The following ZNF184 variants were observed in gnomAD, a reference collection of about 807,000 sequenced individuals.
The protein encoded by ZNF184 is zinc finger protein 184 (Kruppel-like).
ZNF184 carries 16 observed loss-of-function variants against 54.4 expected under a neutral mutation model. That is an observed-to-expected ratio of 0.29 (90% CI 0.20 to 0.45). The LOEUF is 0.45. Among genes scored for constraint, ZNF184 ranks in the 20% least tolerant of loss-of-function variants. The pLI is 1.00. For missense variants in ZNF184, 681 were observed against 888.2 expected, an observed-to-expected ratio of 0.77 and a Z score of 2.97; for synonymous variants, 254 against 295.3, an observed-to-expected ratio of 0.86 and a Z score of 1.43.
At chr6:27,412,350 C>T in the ZNF184 span, among the ~76,000 whole-genome samples, 2 of 152,174 alleles carry the variant, frequency 1.3e-5, no homozygotes, top group Non-Finnish European at 2.9e-5. Context: ...TCCCTACTGT[C>T]AGGAGCAGTG....
chr6:27,459,417 T>C (rs1351232945), intron 3 of ZNF184, among the ~76,000 whole-genome samples: 1 of 150,364 alleles, frequency 6.7e-6, no homozygotes, highest in Non-Finnish European at 1.5e-5. Flanking sequence ...CCCACAACAA[T>C]AGCAACAATA....
At position 27,472,472 on chromosome 6, in the gene ZNF184, C is replaced by A. The variant is rs898253769; in HGVS notation, c.-139-39G>T. ...GATGGCGTCAGCAGCATACGTCACA[C>A]AATCACACATCAGAGTCTTGCAAAG... On this transcript the variant is annotated intron_variant, in intron 1 of 5. Transcript: ENST00000683788. The surrounding 1 kb of genome is among the most constrained non-coding windows in gnomAD (Gnocchi z 4.8). 1.4e-6 allele frequency: 1 copy of A among 698,546 alleles called. No individual in the cohort carries two copies. Among genetic ancestry groups the A allele is most frequent in the Non-Finnish European group, 2.5e-6 (1 of 406,960 alleles). The allele number at this position is 698,546 out of a possible 1,614,324, so 43.3% of individuals were successfully genotyped here.
chr6:27,435,732 T>C, the ZNF184 span, among the ~76,000 whole-genome samples: 4 of 152,250 alleles, frequency 2.6e-5, no homozygotes, highest in South Asian at 8.3e-4. Context: ...CTGCTTGTTT[T>C]AAACCCATCA....
the ZNF184 span, among the ~76,000 whole-genome samples, chr6:27,407,541 A>G: frequency 6.6e-6 from 1 of 152,222 alleles, no homozygotes; most frequent in African/African-American, 2.4e-5. Context: ...CCCTATGCAC[A>G]GTGTCAGCAG....
In ZNF184 at chr6:27,472,558, C is replaced by T. The variant is rs1763304926; in HGVS notation, c.-139-125G>A. 8 of 471,744 alleles carry T rather than the reference C, an allele frequency of 1.7e-5. No individual in the cohort carries two copies. In the South Asian group the frequency reaches 2.3e-4, roughly 14 times the overall value. The allele number at this position is 471,744 out of a possible 1,614,324, so 29.2% of individuals were successfully genotyped here. A position where few individuals can be genotyped will look rare whatever the true frequency, so the allele number is the denominator to read the frequency against. On this transcript the variant is annotated intron_variant, in intron 1 of 5. Transcript: ENST00000683788. This position sits in a 1 kb window ranked among gnomAD's most constrained non-coding sequence, Gnocchi z 4.8. Reference sequence around the variant, plus strand: ...GAGAGCACTAGAGAGGTGTGTGGCACTCCGATGAACAAAACAGAGTGGAGA... The same window carrying T: ...GAGAGCACTAGAGAGGTGTGTGGCATTCCGATGAACAAAACAGAGTGGAGA...
At chr6:27,456,330 G>C (rs985881133) in intron 5 of ZNF184, among the ~76,000 whole-genome samples, 1 of 152,118 alleles carries the variant, frequency 6.6e-6, no homozygotes, top group Non-Finnish European at 1.5e-5. Context: ...AACGAAGCCT[G>C]CAGTTATGGA....
the ZNF184 span, among the ~76,000 whole-genome samples, chr6:27,411,801 A>T: frequency 6.6e-6 from 1 of 152,260 alleles, no homozygotes. Context: ...GGTGCTTGGC[A>T]TGGGCCCTTA....
the ZNF184 span, chr6:27,408,017 G>A: frequency 8.9e-7 from 1 of 1,129,164 alleles, no homozygotes; most frequent in Non-Finnish European, 1.4e-6. Context: ...TTCATCTCTT[G>A]GTTATATGCA....
the ZNF184 span, among the ~76,000 whole-genome samples, chr6:27,414,275 C>T: frequency 3.3e-5 from 5 of 152,200 alleles, no homozygotes; most frequent in Non-Finnish European, 7.3e-5. Flanking sequence ...TAACCACCCC[C>T]ATCGCTCATA....
chr6:27,437,604 G>A, the ZNF184 span, among the ~76,000 whole-genome samples: 1 of 152,208 alleles, frequency 6.6e-6, no homozygotes, highest in Non-Finnish European at 1.5e-5. Context: ...ACTGTGAACT[G>A]TAAATTTGTG....
the ZNF184 span, among the ~76,000 whole-genome samples, chr6:27,432,971 C>A: frequency 6.6e-6 from 1 of 152,228 alleles, no homozygotes; most frequent in Non-Finnish European, 1.5e-5. The surrounding 1 kb of genome is among the most constrained non-coding windows in gnomAD (Gnocchi z 4.0). Flanking sequence ...ACCTGTGAAT[C>A]TTTTGGCCTA....
chr6:27,437,193 AT>A, the ZNF184 span, among the ~76,000 whole-genome samples: 1 of 152,226 alleles, frequency 6.6e-6, no homozygotes, highest in South Asian at 2.1e-4. Context: ...TGTAGATGTA[AT>A]TAAGATTACT....
rs61602778 is a variant in ZNF184 at position 27,465,016 on chromosome 6, C to CAAAAAAAAAAAAAAAAAAAAA, written c.75+2816_75+2836dup. On this transcript the variant is annotated intron_variant, in intron 3 of 5. Transcript: ENST00000683788. ...TGGGCGACAGAGCAAGACTCTGTCT[C>CAAAAAAAAAAAAAAAAAAAAA]AAAAAAAAAAAAAAAAAAAAATAGA... Among the ~76,000 whole-genome samples, 19 of 48,912 alleles carry CAAAAAAAAAAAAAAAAAAAAA rather than the reference C, an allele frequency of 3.9e-4. 1 individual carries two copies. Among genetic ancestry groups the CAAAAAAAAAAAAAAAAAAAAA allele is most frequent in the African/African-American group, 1.2e-3 (10 of 8,692 alleles). 32.1% of individuals were successfully genotyped at this position (48,912 alleles called of 152,430 possible). A position where few individuals can be genotyped will look rare whatever the true frequency, so the allele number is the denominator to read the frequency against.
At chr6:27,417,902 G>A in the ZNF184 span, among the ~76,000 whole-genome samples, 2 of 152,122 alleles carry the variant, frequency 1.3e-5, no homozygotes, top group African/African-American at 4.8e-5. Context: ...TTTGCTTCAT[G>A]TTGACACTAT....
intron 3 of ZNF184, among the ~76,000 whole-genome samples, chr6:27,458,295 T>TAA (rs55966783): frequency 1.2e-3 from 76 of 62,340 alleles, no homozygotes; most frequent in East Asian, 2.8e-3. Flanking sequence ...TTCTGCACAG[T>TAA]AAAAAAAAAA....
intron 2 of ZNF184, among the ~76,000 whole-genome samples, chr6:27,469,829 A>C (rs1053103567): frequency 1.3e-5 from 2 of 152,226 alleles, no homozygotes; most frequent in Non-Finnish European, 1.5e-5. Flanking sequence ...GAAAAAAAGA[A>C]GGGAAACTCA....
intron 2 of ZNF184, among the ~76,000 whole-genome samples, chr6:27,470,968 T>C (rs567236374): frequency 1.3e-5 from 2 of 152,294 alleles, no homozygotes; most frequent in Non-Finnish European, 1.5e-5. Flanking sequence ...AAGAAAAGTA[T>C]GGACCAAACC....
intron 2 of ZNF184, among the ~76,000 whole-genome samples, chr6:27,470,700 C>T (rs1412285268): frequency 1.3e-5 from 2 of 152,004 alleles, no homozygotes; most frequent in Non-Finnish European, 2.9e-5. Context: ...ACCAACAGAA[C>T]CAAAAACAGC....
rs1485073339 is a variant in ZNF184 at position 27,456,867 on chromosome 6, G to A, written c.257C>T (p.Pro86Leu). The A allele has an allele frequency of 6.2e-7, 1 of 1,614,092 alleles. No individual in the cohort carries two copies. The highest frequency in any genetic ancestry group is 1.3e-5 in the African/African-American group (1 of 75,006). ...VISQLEQGTE[P>L]WIMEPSIPVG... The stretch of plus-strand genomic sequence containing the variant: ...TGGAATGCTTGGCTCCATGATCCAT[G>A]GCTCTGTCCCTTGCTCTAACTGGGA... The change falls in exon 5 of 6, where the codon CCA (proline) becomes CTA (leucine). Residue 86 changes from proline to leucine, a missense_variant. By Grantham distance (98) the Pro-to-Leu change is moderately conservative. Transcript: ENST00000683788.
Sources: gnomAD v4.1 joint callset for allele counts (sites outside exome capture counted in the v4.1 genomes callset) on GRCh38, gnomAD v4.1.1 for gene constraint, Gnocchi (gnomAD v3.1) non-coding constraint, MANE v1.5 for transcripts, NCBI Gene and HGNC (gene_info 2026-07-23, HGNC 2026-07-21) for gene names.